The following DNAJB13 variants were observed in gnomAD, a reference collection of about 807,000 sequenced individuals.
DNAJB13 encodes the protein DnaJ heat shock protein family (Hsp40) member B13.
Under a neutral mutation model 35.6 loss-of-function variants are expected in DNAJB13, and 22 were observed. The observed-to-expected ratio is 0.62, with a 90% CI of 0.44 to 0.88. DNAJB13 has a LOEUF of 0.88. Ranked by LOEUF, DNAJB13 falls within the 40% of genes least tolerant of loss-of-function variation. DNAJB13 has a pLI of 0.00. For synonymous variants in DNAJB13, 136 were observed against 144.2 expected (o/e 0.94, Z 0.41); for missense variants, 370 against 384.3 (o/e 0.96, Z 0.31).
intron 1 of DNAJB13, among the ~76,000 whole-genome samples, chr11:73,957,985 G>T (rs1311929559): frequency 6.6e-6 from 1 of 152,172 alleles, no homozygotes; most frequent in East Asian, 1.9e-4. Flanking sequence ...GGGAGCCCTC[G>T]CGCAAAGCTT....
At position 73,966,202 on chromosome 11, in the gene DNAJB13, C is replaced by A; in HGVS notation, c.557C>A (p.Pro186His). 2 of 1,613,790 alleles carry A rather than the reference C, an allele frequency of 1.2e-6. No individual in the cohort carries two copies. The highest frequency in any genetic ancestry group is 1.7e-6 in the Non-Finnish European group (2 of 1,179,974). ...AAGATCCTGACCATTGATGTGAAGC[C>A]CGGTTGGAGGCAGGGCACACGCATC... The part of the protein sequence containing the change: ...KDKILTIDVK[P>H]GWRQGTRITF... Residue 186 changes from proline (P) to histidine (H), a missense_variant, in exon 5 of 8, where the codon CCC becomes CAC. Transcript: ENST00000339764.
intron 1 of DNAJB13, among the ~76,000 whole-genome samples, chr11:73,951,351 T>C (rs1208319476): frequency 6.6e-6 from 1 of 152,186 alleles, no homozygotes; most frequent in Non-Finnish European, 1.5e-5. Flanking sequence ...TCCCAACCCA[T>C]CTCCCTTTAT....
intron 3 of DNAJB13, chr11:73,960,020 G>A (rs1950885031): frequency 6.4e-6 from 1 of 155,602 alleles, no homozygotes; most frequent in Admixed American, 6.4e-5. Flanking sequence ...CTAAGGCCTT[G>A]GCCTCCCAAA....
chr11:73,966,362 TG>T, intron 5 of DNAJB13, 111 bp downstream of exon 5: 1 of 1,012,618 alleles, frequency 9.9e-7, no homozygotes, highest in South Asian at 1.4e-5. Flanking sequence ...CTGTGAGCCT[TG>T]GTCTGTAGAG....
At chr11:73,957,143 G>T in intron 1 of DNAJB13, among the ~76,000 whole-genome samples, 1 of 152,214 alleles carries the variant, frequency 6.6e-6, no homozygotes, top group East Asian at 1.9e-4. Context: ...TGCGCTCCGG[G>T]AGGCTTCCTT....
intron 5 of DNAJB13, among the ~76,000 whole-genome samples, chr11:73,967,187 G>A (rs1365177552): frequency 6.6e-6 from 1 of 152,062 alleles, no homozygotes; most frequent in Admixed American, 6.5e-5. Context: ...TAGAGATAGG[G>A]TTTCTCCGTG....
chr11:73,964,824 C>CGCGCGCGCGCGCGCAT (rs1491551200), intron 3 of DNAJB13, 54 bp from the exon 4 acceptor site: 3 of 1,544,586 alleles, frequency 1.9e-6, no homozygotes, highest in African/African-American at 2.9e-5. Flanking sequence ...CGCGCGCGCG[C>CGCGCGCGCGCGCGCAT]ATGTCTGGGT....
At chr11:73,969,349 T>C (rs900809325) in intron 7 of DNAJB13, 27 bp downstream of exon 7, 1 of 869,700 alleles carries the variant, frequency 1.1e-6, no homozygotes, top group Non-Finnish European at 2.0e-6. Context: ...TGGGCCCCAG[T>C]AGCCAAGAGA....
chr11:73,964,823 G>GCGCT lies in DNAJB13; in HGVS notation c.335-54_335-53insGCTC, dbSNP rs762920647. 6.1e-6 allele frequency: 9 copies of GCGCT among 1,474,058 alleles called. No homozygotes were observed. In the East Asian group the frequency reaches 2.1e-4, roughly 35 times the overall value. 91.3% of individuals were successfully genotyped at this position (1,474,058 alleles called of 1,614,324 possible). A position where few individuals can be genotyped will look rare whatever the true frequency, so the allele number is the denominator to read the frequency against. On this transcript the variant is annotated intron_variant, in intron 3 of 7. Transcript: ENST00000339764. The stretch of plus-strand genomic sequence containing the variant: ...TGTGTGTGTGTGTGTGCGCGCGCGC[G>GCGCT]CATGTCTGGGTCTCTGGATACAATT...
chr11:73,952,431 T>C (rs765284064), intron 1 of DNAJB13, among the ~76,000 whole-genome samples: 5 of 152,206 alleles, frequency 3.3e-5, no homozygotes, highest in Non-Finnish European at 7.3e-5. Context: ...GTGCCATTAT[T>C]ATCCCACAAG....
At chr11:73,959,472 T>G in intron 2 of DNAJB13, 22 bp from the exon 3 acceptor site, 1 of 1,611,046 alleles carries the variant, frequency 6.2e-7, no homozygotes, top group Middle Eastern at 1.7e-4. Flanking sequence ...GGACACCTCC[T>G]TAAGGTGATG....
Position 73,968,373 on chromosome 11 carries a change from T to G in DNAJB13, c.635T>G (p.Ile212Ser). 1 of 1,614,096 alleles carries G rather than the reference T, an allele frequency of 6.2e-7. No individual in the cohort carries two copies. The highest frequency in any genetic ancestry group is 1.1e-5 in the South Asian group (1 of 91,076). Residue 212 changes from isoleucine (I) to serine (S), a missense_variant, in exon 6 of 8, where the codon ATT (isoleucine) becomes AGT (serine). Coordinates refer to ENST00000339764, the MANE Select transcript of DNAJB13 (RefSeq NM_153614.4). ...CCCAACATCATCCCAGCAGACATCA[T>G]TTTCATCGTAAAGGAGAAGCTACAC... Reference protein sequence around the residue: ...QGPNIIPADIIFIVKEKLHPR... With the variant: ...QGPNIIPADISFIVKEKLHPR...
chr11:73,953,858 G>T (rs1950650320), intron 1 of DNAJB13, among the ~76,000 whole-genome samples: 1 of 151,678 alleles, frequency 6.6e-6, no homozygotes, highest in African/African-American at 2.4e-5. Context: ...AAATTAGCCG[G>T]GCACCTGTAG....
chr11:73,954,637 A>T (rs563634528), intron 1 of DNAJB13, among the ~76,000 whole-genome samples: 30 of 126,094 alleles, frequency 2.4e-4, no homozygotes, highest in East Asian at 7.2e-4. Flanking sequence ...CTCAAAAAAA[A>T]AAAATAAAAT....
rs908157699 is a variant in DNAJB13 at position 73,966,256 on chromosome 11, G to C, written c.606+5G>C. 2 of 1,610,194 alleles carry C rather than the reference G, an allele frequency of 1.2e-6. No individual in the cohort carries two copies. Among genetic ancestry groups the C allele is most frequent in the East Asian group, 2.2e-5 (1 of 44,832 alleles). ...TTTGAGAAGGAAGGGGACCAGGTGA[G>C]GGGGGAAGAAGCTGACTCAGGTCAG... On this transcript the variant is annotated splice_donor_5th_base_variant and intron_variant, in intron 5 of 7. Coordinates refer to ENST00000339764, the MANE Select transcript of DNAJB13 (RefSeq NM_153614.4).
chr11:73,958,144 C>G (rs1950813125), intron 1 of DNAJB13, among the ~76,000 whole-genome samples, 173 bp from the exon 2 acceptor site: 1 of 152,192 alleles, frequency 6.6e-6, no homozygotes, highest in Admixed American at 6.5e-5. Context: ...CTGTGCTCCC[C>G]GCACCAGCTA....
chr11:73,957,000 C>T (rs1241360305), intron 1 of DNAJB13, among the ~76,000 whole-genome samples: 1 of 151,936 alleles, frequency 6.6e-6, no homozygotes, highest in Non-Finnish European at 1.5e-5. Context: ...GGGATGGCGG[C>T]GAGGCGGGTG....
At chr11:73,966,036 G>T (rs552102773) in intron 4 of DNAJB13, 102 bp from the exon 5 acceptor site, 6 of 1,031,682 alleles carry the variant, frequency 5.8e-6, no homozygotes, top group South Asian at 1.4e-5. Context: ...CATCTTTCAC[G>T]TGTGCAAAGG....
In DNAJB13 at chr11:73,964,982, T is replaced by A. The variant is rs148650935; in HGVS notation, c.439T>A (p.Ser147Thr). ...DPQVERDLYL[S>T]LEDLFFGCTK... ...CCAAGTCGAACGGGATCTCTACCTG[T>A]CCCTGGAGGACTTATTCTTTGGCTG... is the stretch of plus-strand genomic sequence containing the variant. The change falls in exon 4 of 8, where the codon TCC (serine) becomes ACC (threonine). Residue 147 changes from serine to threonine, a missense_variant. Ser to Thr is a moderately conservative substitution (Grantham distance 58). Transcript: ENST00000339764. 216 of 1,610,756 alleles carry A rather than the reference T, an allele frequency of 1.3e-4. 1 individual carries two copies. In the African/African-American group the frequency reaches 2.8e-3, roughly 21 times the overall value.
Sources: allele counts gnomAD v4.1 joint callset (sites outside exome capture counted in the v4.1 genomes callset), GRCh38; gene constraint gnomAD v4.1.1; transcripts MANE v1.5; gene names NCBI Gene and HGNC (gene_info 2026-07-23, HGNC 2026-07-21).